The following MAN1A1 variants were observed in gnomAD, a reference collection of about 807,000 sequenced individuals.
The protein encoded by MAN1A1 is mannosidase alpha class 1A member 1.
A neutral mutation model predicts 70.8 loss-of-function variants in MAN1A1; 29 were observed. The observed-to-expected ratio is 0.41, with a 90% CI of 0.31 to 0.56. MAN1A1 has a LOEUF of 0.56. Among genes scored for constraint, MAN1A1 ranks in the 20% least tolerant of loss-of-function variants. The pLI is 0.29. For missense variants in MAN1A1, 747 were observed against 841.3 expected (o/e 0.89, Z 1.39); for synonymous variants, 349 against 330.1 (o/e 1.06, Z -0.62).
At position 119,211,652 on chromosome 6, in the gene MAN1A1, T is replaced by C. The variant is rs116270795; in HGVS notation, c.993-6770A>G. Among the ~76,000 whole-genome samples, 923 of 152,170 alleles carry C rather than the reference T, an allele frequency of 6.1e-3. 7 individuals are homozygous for C. The highest frequency in any genetic ancestry group is 0.021 in the African/African-American group (872 of 41,506). On this transcript the variant is annotated intron_variant, in intron 6 of 12. Transcript: ENST00000368468. ...GATCCCATGATTTACCATCACAAAT[T>C]TGCAATGGTCTGAAGTGACTTCTAA...
intron 11 of MAN1A1, among the ~76,000 whole-genome samples, chr6:119,180,689 T>C (rs1412940721): frequency 6.6e-6 from 1 of 152,038 alleles, no homozygotes; most frequent in African/African-American, 2.4e-5. Context: ...ATTTTTTGTA[T>C]TTTTTGTAGA....
At chr6:119,288,206 A>G (rs567791980) in intron 5 of MAN1A1, among the ~76,000 whole-genome samples, 8 of 152,026 alleles carry the variant, frequency 5.3e-5, no homozygotes, top group African/African-American at 1.2e-4. Context: ...TCTTGAGCTG[A>G]TATCAATGTG....
intron 7 of MAN1A1, 107 bp from the exon 8 acceptor site, chr6:119,201,454 C>T: frequency 1.4e-6 from 1 of 709,258 alleles, no homozygotes. Flanking sequence ...AGAGTTAGAA[C>T]AAAGATAACT....
chr6:119,184,127 A>G (rs1421745907), intron 11 of MAN1A1, among the ~76,000 whole-genome samples: 2 of 152,174 alleles, frequency 1.3e-5, no homozygotes, highest in African/African-American at 4.8e-5. Flanking sequence ...GGGCCCTTAC[A>G]ACAGCCCTGA....
At chr6:119,275,595 C>A (rs1308785898) in intron 5 of MAN1A1, among the ~76,000 whole-genome samples, 1 of 148,020 alleles carries the variant, frequency 6.8e-6, no homozygotes, top group East Asian at 2.0e-4. Flanking sequence ...CGTGAGCCAC[C>A]GCGCCCGGCC....
intron 4 of MAN1A1, among the ~76,000 whole-genome samples, chr6:119,293,163 A>T (rs1410667982): frequency 6.6e-6 from 1 of 152,072 alleles, no homozygotes; most frequent in Admixed American, 6.6e-5. Context: ...AAAATTTTGG[A>T]TAATCAAGAC....
At position 119,302,026 on chromosome 6, in the gene MAN1A1, C is replaced by T; in HGVS notation, c.778G>A (p.Ala260Thr). The part of the protein sequence containing the change: ...IMEMKHEFEE[A>T]KSWVEENLDF... Reference sequence around the variant, plus strand: ...AAATTTTCTTCAACCCATGATTTTGCTTCTTCAAATTCATGTTTCATTTCC... The same window carrying T: ...AAATTTTCTTCAACCCATGATTTTGTTTCTTCAAATTCATGTTTCATTTCC... The change falls in exon 4 of 13, where the codon GCA (alanine) becomes ACA (threonine). Residue 260 changes from alanine to threonine, a missense_variant. By Grantham distance (58) the Ala-to-Thr change is moderately conservative. Transcript: ENST00000368468. The T allele has an allele frequency of 6.2e-7, 1 of 1,607,616 alleles. No individual in the cohort carries two copies. Among genetic ancestry groups the T allele is most frequent in the Non-Finnish European group, 8.5e-7 (1 of 1,175,074 alleles).
At chr6:119,279,579 G>T (rs983303807) in intron 5 of MAN1A1, among the ~76,000 whole-genome samples, 1 of 148,370 alleles carries the variant, frequency 6.7e-6, no homozygotes, top group Non-Finnish European at 1.5e-5. Context: ...AAATGTACAC[G>T]TTCACATCAA....
intron 11 of MAN1A1, among the ~76,000 whole-genome samples, chr6:119,185,569 T>G: frequency 6.7e-6 from 1 of 148,438 alleles, no homozygotes; most frequent in Admixed American, 6.7e-5. Context: ...AATTTCAATA[T>G]AAGCCAGTTT....
At chr6:119,189,639 TA>T in intron 10 of MAN1A1, 24 bp downstream of exon 10, 1 of 1,606,160 alleles carries the variant, frequency 6.2e-7, no homozygotes, top group South Asian at 1.1e-5. Flanking sequence ...GAATAGACCA[TA>T]AATGAAGAAT....
At chr6:119,330,554 C>T (rs1773281396) in intron 2 of MAN1A1, among the ~76,000 whole-genome samples, 1 of 152,162 alleles carries the variant, frequency 6.6e-6, no homozygotes, top group African/African-American at 2.4e-5. Flanking sequence ...ATGTCCTGGA[C>T]TCCAGTCTTA....
chr6:119,220,416 G>C (rs988351649), intron 6 of MAN1A1, among the ~76,000 whole-genome samples: 1 of 152,042 alleles, frequency 6.6e-6, no homozygotes, highest in Non-Finnish European at 1.5e-5. Context: ...ATGTAAAATG[G>C]TTTAAGTTTC....
At chr6:119,237,781 C>G (rs1774894578) in intron 6 of MAN1A1, among the ~76,000 whole-genome samples, 1 of 152,156 alleles carries the variant, frequency 6.6e-6, no homozygotes, top group African/African-American at 2.4e-5. Context: ...ATTAGTCCTA[C>G]TTTAACAAAT....
At chr6:119,307,554 GTTTAT>G (rs1364757298) in intron 2 of MAN1A1, among the ~76,000 whole-genome samples, 1 of 152,074 alleles carries the variant, frequency 6.6e-6, no homozygotes, top group Non-Finnish European at 1.5e-5. Flanking sequence ...GGAAAAACTT[GTTTAT>G]TTTAATGTAA....
intron 5 of MAN1A1, among the ~76,000 whole-genome samples, chr6:119,271,329 A>T (rs1276575087): frequency 4.0e-5 from 6 of 151,268 alleles, no homozygotes; most frequent in Admixed American, 2.6e-4. Flanking sequence ...TAAATCAATT[A>T]AAAAAAAACA....
intron 2 of MAN1A1, among the ~76,000 whole-genome samples, chr6:119,348,066 G>T (rs1324840582): frequency 6.6e-6 from 1 of 152,232 alleles, no homozygotes; most frequent in Non-Finnish European, 1.5e-5. Context: ...TACCACGCGT[G>T]AAGACTCACT....
At chr6:119,272,129 G>T (rs1294190396) in intron 5 of MAN1A1, among the ~76,000 whole-genome samples, 1 of 152,134 alleles carries the variant, frequency 6.6e-6, no homozygotes, top group Non-Finnish European at 1.5e-5. Flanking sequence ...ATCATGAATA[G>T]TCTTATATTT....
chr6:119,221,477 T>C (rs1363198058), intron 6 of MAN1A1, among the ~76,000 whole-genome samples: 4 of 150,378 alleles, frequency 2.7e-5, no homozygotes, highest in Non-Finnish European at 3.0e-5. Flanking sequence ...CTTTTCTTTT[T>C]TTTTTTTTTT....
intron 5 of MAN1A1, among the ~76,000 whole-genome samples, chr6:119,259,695 T>C (rs776577732): frequency 6.6e-6 from 1 of 152,150 alleles, no homozygotes; most frequent in Non-Finnish European, 1.5e-5. Flanking sequence ...GACAGAAAAT[T>C]TGGCATCAAT....
Sources: allele counts gnomAD v4.1 joint callset (sites outside exome capture counted in the v4.1 genomes callset), GRCh38; gene constraint gnomAD v4.1.1; transcripts MANE v1.5; gene names NCBI Gene and HGNC (gene_info 2026-07-23, HGNC 2026-07-21).